The following NID2 variants were observed in gnomAD, a reference collection of about 807,000 sequenced individuals.
NID2 encodes the protein nidogen-2.
NID2 carries 83 observed loss-of-function variants against 145.4 expected under a neutral mutation model. The ratio of observed to expected loss-of-function variants is 0.57; its 90% CI spans 0.48 to 0.69. The LOEUF (loss-of-function observed/expected upper bound fraction) is 0.69. Ranked by LOEUF, NID2 falls within the 30% of genes least tolerant of loss-of-function variation. The probability of loss-of-function intolerance (pLI) is 0.00; values close to 1 mark genes in which losing one functional copy is unlikely to be tolerated. For synonymous variants in NID2, 739 were observed against 701.3 expected, an observed-to-expected ratio of 1.05 and a Z score of -0.85; for missense variants, 1,807 against 1,765.7, an observed-to-expected ratio of 1.02 and a Z score of -0.42.
Position 52,038,882 on chromosome 14 carries a change from C to G in NID2, c.2122G>C (p.Val708Leu). Residue 708 changes from valine (V) to leucine (L), a missense_variant, in exon 9 of 22, where the codon GTG (valine) becomes CTG (leucine). By Grantham distance (32) the Val-to-Leu change is conservative. Transcript: ENST00000216286. ...YRIHQNITYQ[V>L]CRHAPRHPSF... ...GGGTGTCTGGGGGCGTGCCTGCACACCTGGTAAGTGATGTTCTGGTGGATG... is the reference window on the plus strand; with the variant it reads ...GGGTGTCTGGGGGCGTGCCTGCACAGCTGGTAAGTGATGTTCTGGTGGATG... 6.2e-7 allele frequency: 1 copy of G among 1,614,122 alleles called. No homozygotes were observed. Among genetic ancestry groups the G allele is most frequent in the Non-Finnish European group, 8.5e-7 (1 of 1,180,028 alleles).
intron 5 of NID2, among the ~76,000 whole-genome samples, chr14:52,045,486 C>T (rs1356577463): frequency 6.8e-6 from 1 of 147,974 alleles, no homozygotes; most frequent in South Asian, 2.1e-4. Flanking sequence ...AGGCATGACT[C>T]AACTTTATTT....
intron 9 of NID2, among the ~76,000 whole-genome samples, chr14:52,037,659 G>T (rs977093026): frequency 6.6e-6 from 1 of 152,112 alleles, no homozygotes; most frequent in Non-Finnish European, 1.5e-5. Flanking sequence ...ATAAATTCTA[G>T]AATCAGCTTG....
Position 52,005,718 on chromosome 14 carries a change from C to T in NID2, c.4117+19G>A, listed in dbSNP as rs1425857046. The stretch of plus-strand genomic sequence containing the variant: ...CTACCCTGCTAATTTAAAGGAGCAT[C>T]CTAAAGCATACTTTTTACCTGTTGG... On this transcript the variant is annotated intron_variant, in intron 21 of 21. Coordinates refer to ENST00000216286, the MANE Select transcript of NID2 (RefSeq NM_007361.4). 6.3e-7 allele frequency: 1 copy of T among 1,584,078 alleles called. No individual in the cohort carries two copies. The highest frequency in any genetic ancestry group is 1.3e-5 in the African/African-American group (1 of 74,508).
At position 52,042,913 on chromosome 14, in the gene NID2, G is replaced by C. The variant is rs115833794; in HGVS notation, c.1448C>G (p.Ala483Gly). 309 of 1,614,174 alleles carry C rather than the reference G, an allele frequency of 1.9e-4. 1 individual carries two copies. The African/African-American group carries it at 3.1e-3, about 16-fold the overall frequency. The change falls in exon 6 of 22, where the codon GCC (alanine) becomes GGC (glycine). Residue 483 changes from alanine (A) to glycine (G), a missense_variant. Transcript: ENST00000216286. ...SNTEVFTYNA[A>G]NKETCEHNHR... is the part of the protein sequence containing the mutation. Reference sequence around the variant, plus strand: ...GTTGTGTTCACAGGTTTCCTTGTTGGCAGCATTATACGTGAAGACTGAAAA... The same window carrying C: ...GTTGTGTTCACAGGTTTCCTTGTTGCCAGCATTATACGTGAAGACTGAAAA...
At chr14:52,029,411 A>G (rs1891715797) in intron 10 of NID2, 136 bp downstream of exon 10, 4 of 822,388 alleles carry the variant, frequency 4.9e-6, no homozygotes, top group Non-Finnish European at 7.5e-6. Context: ...AACTATATTC[A>G]GATTAACAGC....
chr14:52,035,616 G>T (rs1329074276), intron 9 of NID2, among the ~76,000 whole-genome samples: 1 of 152,002 alleles, frequency 6.6e-6, no homozygotes, highest in African/African-American at 2.4e-5. Flanking sequence ...TGGGATTACA[G>T]GTGTAAGCCA....
chr14:52,020,172 T>C lies in NID2; in HGVS notation c.2681A>G (p.Asp894Gly). Residue 894 changes from aspartate to glycine, a missense_variant, in exon 13 of 22, where the codon GAT (aspartate) becomes GGT (glycine). Transcript: ENST00000216286. The stretch of plus-strand genomic sequence containing the variant: ...GTGACATCTGTTTTCTGAGCATTCA[T>C]CTACATCTGCAGAGGTCAGAAACAG... ...AGDGHQCTDV[D>G]ECSENRCHPA... The C allele has an allele frequency of 6.2e-7, 1 of 1,613,764 alleles. No individual in the cohort carries two copies.
chr14:52,010,407 AT>A (rs141277764), intron 18 of NID2: 4,086 of 153,984 alleles, frequency 0.027, 198 homozygotes, highest in African/African-American at 0.091. Context: ...GTTTATCTTG[AT>A]TTCTGCTACA....
intron 9 of NID2, among the ~76,000 whole-genome samples, chr14:52,035,008 G>A (rs935209582): frequency 6.0e-5 from 2 of 33,594 alleles, no homozygotes; most frequent in East Asian, 6.8e-4. Flanking sequence ...GAAAAATGGA[G>A]CAGAAAGTAC....
chr14:52,011,914 A>AT (rs1324205971), intron 16 of NID2: 61 of 489,110 alleles, frequency 1.2e-4, no homozygotes, highest in Non-Finnish European at 2.3e-4. Context: ...CATTTGCAAA[A>AT]TGAGGCCAAT....
chr14:52,060,156 A>G lies in NID2; in HGVS notation c.735T>C (p.Thr245=), dbSNP rs747643477. 5 of 1,613,708 alleles carry G rather than the reference A, an allele frequency of 3.1e-6. No homozygotes were observed. In the Admixed American group the frequency reaches 6.7e-5, roughly 22 times the overall value. ...LKSEGPYFSL[T]STEQSVKNLY... ...GATTTTTCACAGACTGTTCAGTGCT[A>G]GTCAAGCTGAAATATGGTCCTTCTG... The change falls in exon 3 of 22, where the codon ACT becomes ACC. Residue 245 remains threonine, a synonymous_variant. Coordinates refer to ENST00000216286, the MANE Select transcript of NID2 (RefSeq NM_007361.4).
intron 9 of NID2, 28 bp downstream of exon 9, chr14:52,038,719 T>C: frequency 6.6e-7 from 1 of 1,509,382 alleles, no homozygotes; most frequent in Non-Finnish European, 8.9e-7. Context: ...ATGTCATTTT[T>C]ACCCAACAAC....
chr14:52,043,635 G>C (rs898060736), intron 5 of NID2, among the ~76,000 whole-genome samples: 1 of 152,182 alleles, frequency 6.6e-6, no homozygotes, highest in South Asian at 2.1e-4. Flanking sequence ...AGAAATTATG[G>C]AGGACTAGGA....
chr14:52,044,910 C>G (rs1056708578), intron 5 of NID2, among the ~76,000 whole-genome samples: 3 of 152,112 alleles, frequency 2.0e-5, no homozygotes, highest in African/African-American at 7.2e-5. Flanking sequence ...AGGTATGAGC[C>G]ACCACTCTGG....
At chr14:52,006,787 T>A in intron 19 of NID2, 127 bp from the exon 20 acceptor site, 2 of 989,594 alleles carry the variant, frequency 2.0e-6, no homozygotes, top group Non-Finnish European at 3.0e-6. Flanking sequence ...AGTCATAGAT[T>A]AGCAACTGTA....
chr14:52,067,232 A>G (rs760092256), intron 2 of NID2, among the ~76,000 whole-genome samples: 1 of 151,594 alleles, frequency 6.6e-6, no homozygotes, highest in Non-Finnish European at 1.5e-5. Context: ...ACTATTATAC[A>G]GGATAATAGC....
At position 52,043,619 on chromosome 14, in the gene NID2, C is replaced by A. The variant is rs188207002; in HGVS notation, c.1430-688G>T. ...GACAGCTTGGGCCCCACTCGCAGAT[C>A]TTCCAAGAAATTATGGAGGACTAGG... On this transcript the variant is annotated intron_variant, in intron 5 of 21. Coordinates refer to ENST00000216286, the MANE Select transcript of NID2 (RefSeq NM_007361.4). 1.1e-3 allele frequency among the ~76,000 whole-genome samples: 169 copies of A among 152,338 alleles called. 1 individual carries two copies. The highest frequency in any genetic ancestry group is 3.7e-3 in the African/African-American group (152 of 41,568).
intron 12 of NID2, among the ~76,000 whole-genome samples, chr14:52,023,244 A>AG (rs933155837): frequency 6.6e-6 from 1 of 152,126 alleles, no homozygotes; most frequent in South Asian, 2.1e-4. Context: ...TGGGAGGCTG[A>AG]GGGGGGTAGA....
intron 12 of NID2, among the ~76,000 whole-genome samples, chr14:52,024,299 G>A (rs938471388): frequency 7.2e-5 from 11 of 152,150 alleles, no homozygotes; most frequent in Admixed American, 2.6e-4. Context: ...TCATTTTTGT[G>A]ATTATGACTT....
Sources: allele counts gnomAD v4.1 joint callset (sites outside exome capture counted in the v4.1 genomes callset), GRCh38; gene constraint gnomAD v4.1.1; transcripts MANE v1.5; gene names NCBI Gene and HGNC (gene_info 2026-07-23, HGNC 2026-07-21).